Variants in LRRC7 observed in about 807,000 individuals in gnomAD.
The protein encoded by LRRC7 is leucine rich repeat containing 7.
Under a neutral mutation model 175.7 loss-of-function variants are expected in LRRC7, and 23 were observed. The ratio of observed to expected loss-of-function variants is 0.13; its 90% CI spans 0.09 to 0.19. The LOEUF is 0.19. Ranked by LOEUF, LRRC7 falls within the 10% of genes least tolerant of loss-of-function variation. LRRC7 has a pLI of 1.00. For synonymous variants in LRRC7, 685 were observed against 680.9 expected, an observed-to-expected ratio of 1.01 and a Z score of -0.09; for missense variants, 1,354 against 1,904.7, an observed-to-expected ratio of 0.71 and a Z score of 5.38.
rs767787912 is a variant in LRRC7 at position 69,760,256 on chromosome 1, C to T, written c.166C>T (p.Arg56Ter). 6.2e-7 allele frequency: 1 copy of T among 1,612,670 alleles called. No individual in the cohort carries two copies. The highest frequency in any genetic ancestry group is 8.5e-7 in the Non-Finnish European group (1 of 1,179,286). The change falls in exon 3 of 27, where the codon CGA becomes TGA. Residue 56 changes from arginine (R) to a stop codon, truncating the protein, a stop_gained. Transcript: ENST00000651989. LOFTEE classifies it high-confidence loss of function. ...IGRLVPCRCF[R>*]GEEEIISVLD... The stretch of plus-strand genomic sequence containing the variant: ...CCGTCTGGTGCCATGCCGATGTTTC[C>T]GAGGTGAAGAAGAAATCATCTCAGT...
rs1667119694 is a variant in LRRC7, at chr1:70,142,854, TTTG to T, written c.*20970_*20972del. The T allele has an allele frequency of 6.6e-6, 1 of 152,066 alleles. No homozygotes were observed. The highest frequency in any genetic ancestry group is 1.9e-4 in the East Asian group (1 of 5,188). The allele number at this position is 152,066 out of a possible 1,614,324, so 9.4% of individuals were successfully genotyped here. A position where few individuals can be genotyped will look rare whatever the true frequency, so the allele number is the denominator to read the frequency against. On this transcript the variant is annotated 3_prime_UTR_variant, in exon 27 of 27. Transcript: ENST00000651989. ...AAGACAGTGGTAGGTTTTCAGATGGTTTGTTAAGAATTATATGTAAAAGGATAC... is the reference window on the plus strand; with the variant it reads ...AAGACAGTGGTAGGTTTTCAGATGGTTTAAGAATTATATGTAAAAGGATAC...
intron 10 of LRRC7, among the ~76,000 whole-genome samples, 157 bp downstream of exon 10, chr1:69,986,543 A>G (rs1417801057): frequency 2.0e-5 from 3 of 152,224 alleles, no homozygotes; most frequent in Admixed American, 2.0e-4. Flanking sequence ...TATCTAACAA[A>G]TATCTTAAGT....
intron 7 of LRRC7, among the ~76,000 whole-genome samples, chr1:69,930,694 G>A (rs1187130735): frequency 6.6e-6 from 1 of 152,088 alleles, no homozygotes; most frequent in African/African-American, 2.4e-5. Context: ...ATAGAAAAGA[G>A]GTTTAATTGA....
At chr1:70,014,062 G>A (rs772845227) in intron 13 of LRRC7, 8 of 152,022 alleles carry the variant, frequency 5.3e-5, no homozygotes, top group Admixed American at 2.0e-4. Flanking sequence ...AGTATCAGGT[G>A]ACAAGGAAGC....
chr1:69,816,229 C>T lies in LRRC7; in HGVS notation c.422-9519C>T, dbSNP rs1678584141. 3.9e-5 allele frequency among the ~76,000 whole-genome samples: 6 copies of T among 152,162 alleles called. No homozygotes were observed. The South Asian group carries it at 1.2e-3, about 31-fold the overall frequency. On this transcript the variant is annotated intron_variant, in intron 4 of 26. Transcript: ENST00000651989. The stretch of plus-strand genomic sequence containing the variant: ...CTGACCTCAAGCAATCCGCCCGCCT[C>T]AGCCTCCTAAAGTGCTGGGATTACA...
chr1:69,805,438 A>G (rs903994785), intron 4 of LRRC7, among the ~76,000 whole-genome samples: 2 of 151,812 alleles, frequency 1.3e-5, no homozygotes, highest in Non-Finnish European at 2.9e-5. Context: ...GTACCATGCA[A>G]TTGTTCTCAA....
rs529869169 is a variant in LRRC7 at position 69,766,558 on chromosome 1, G to A, written c.303+6165G>A. Among the ~76,000 whole-genome samples, 5 of 152,182 alleles carry A rather than the reference G, an allele frequency of 3.3e-5. No individual in the cohort carries two copies. The South Asian group carries it at 1.0e-3, about 32-fold the overall frequency. On this transcript the variant is annotated intron_variant, in intron 3 of 26. Transcript: ENST00000651989. ...TTATACAGATATTTTAAAGTAATTA[G>A]CAGGAAAACCAAGCTATGTATTCTT...
At chr1:69,751,217 A>T (rs891960079) in intron 2 of LRRC7, among the ~76,000 whole-genome samples, 1 of 152,190 alleles carries the variant, frequency 6.6e-6, no homozygotes, top group Non-Finnish European at 1.5e-5. Context: ...TTTGATGCTC[A>T]TCTCTCTTAC....
intron 2 of LRRC7, chr1:69,716,148 G>A (rs763342471): frequency 6.1e-5 from 26 of 427,092 alleles, no homozygotes; most frequent in East Asian, 1.1e-4. Context: ...AAAGGAGCCC[G>A]CTACATGAAA....
intron 2 of LRRC7, among the ~76,000 whole-genome samples, chr1:69,708,895 T>G (rs1664395795): frequency 6.6e-6 from 1 of 152,196 alleles, no homozygotes; most frequent in Non-Finnish European, 1.5e-5. Flanking sequence ...CCACCATTAC[T>G]TCCACCTATT....
intron 7 of LRRC7, among the ~76,000 whole-genome samples, chr1:69,878,809 T>C (rs1686279309): frequency 6.7e-6 from 1 of 148,998 alleles, no homozygotes; most frequent in African/African-American, 2.4e-5. Context: ...TATAAATAAA[T>C]GTATATATAT....
intron 25 of LRRC7, among the ~76,000 whole-genome samples, chr1:70,098,245 C>A (rs913485849): frequency 2.0e-5 from 3 of 151,954 alleles, no homozygotes; most frequent in Non-Finnish European, 4.4e-5. Flanking sequence ...TGTTTTTTGG[C>A]TGCATAAATG....
At chr1:70,119,131 A>C (rs1239765267) in intron 26 of LRRC7, among the ~76,000 whole-genome samples, 1 of 151,784 alleles carries the variant, frequency 6.6e-6, no homozygotes, top group East Asian at 1.9e-4. Context: ...TACAGAATTT[A>C]CCTGAAAAAA....
At chr1:69,924,068 C>T (rs1646978530) in intron 7 of LRRC7, among the ~76,000 whole-genome samples, 1 of 152,072 alleles carries the variant, frequency 6.6e-6, no homozygotes, top group Admixed American at 6.5e-5. Flanking sequence ...GAATCCTTTC[C>T]CCATTTCTTG....
At chr1:69,972,854 A>T (rs1163076313) in intron 8 of LRRC7, among the ~76,000 whole-genome samples, 1 of 151,088 alleles carries the variant, frequency 6.6e-6, no homozygotes, top group African/African-American at 2.4e-5. Context: ...AATTGCAAAA[A>T]CATGGAACCA....
intron 24 of LRRC7, among the ~76,000 whole-genome samples, chr1:70,081,546 A>T (rs1315423378): frequency 2.0e-5 from 3 of 152,242 alleles, no homozygotes; most frequent in African/African-American, 4.8e-5. Context: ...TGGTCACACA[A>T]TGTAGAAGCT....
At chr1:69,930,011 C>T (rs1185686443) in intron 7 of LRRC7, among the ~76,000 whole-genome samples, 3 of 152,124 alleles carry the variant, frequency 2.0e-5, no homozygotes, top group Admixed American at 6.6e-5. Context: ...GCTCCAATTT[C>T]GTATTCTCAT....
intron 8 of LRRC7, among the ~76,000 whole-genome samples, chr1:69,952,405 A>C (rs1650034185): frequency 6.6e-6 from 1 of 152,066 alleles, no homozygotes; most frequent in Non-Finnish European, 1.5e-5. Context: ...TCCCCATGAG[A>C]GTTCTAACAA....
At chr1:69,830,803 T>C (rs1233806793) in intron 5 of LRRC7, among the ~76,000 whole-genome samples, 2 of 151,888 alleles carry the variant, frequency 1.3e-5, no homozygotes, top group Non-Finnish European at 2.9e-5. Flanking sequence ...AGAAGAAAAG[T>C]TCAATAGAAA....
Sources: allele counts gnomAD v4.1 joint callset (sites outside exome capture counted in the v4.1 genomes callset), GRCh38; gene constraint gnomAD v4.1.1; transcripts MANE v1.5; gene names NCBI Gene and HGNC (gene_info 2026-07-23, HGNC 2026-07-21).